Variants in GOLM1 observed in about 807,000 individuals in gnomAD.
GOLM1 encodes the protein golgi membrane protein 1, also known as epididymis luminal protein 46.
Under a neutral mutation model 50.5 loss-of-function variants are expected in GOLM1, and 31 were observed. The observed-to-expected ratio is 0.61, with a 90% CI of 0.46 to 0.83. The LOEUF (loss-of-function observed/expected upper bound fraction) is 0.83, where lower values mean the gene tolerates loss of function less well. Ranked by LOEUF, GOLM1 falls within the 40% of genes least tolerant of loss-of-function variation. The probability of loss-of-function intolerance (pLI) is 0.00; values close to 1 mark genes in which losing one functional copy is unlikely to be tolerated. For synonymous variants in GOLM1, 178 were observed against 192.8 expected (o/e 0.92, Z 0.64); for missense variants, 491 against 501.3 (o/e 0.98, Z 0.20).
At chr9:86,069,091 A>T (rs1834382272) in intron 3 of GOLM1, among the ~76,000 whole-genome samples, 1 of 151,746 alleles carries the variant, frequency 6.6e-6, no homozygotes, top group East Asian at 1.9e-4. Context: ...AAGTATTATA[A>T]GTATATTATT....
chr9:86,089,845 T>C (rs1835116902), intron 1 of GOLM1, among the ~76,000 whole-genome samples: 1 of 152,206 alleles, frequency 6.6e-6, no homozygotes, highest in Non-Finnish European at 1.5e-5. Context: ...ATTCTGGTTT[T>C]TGGAATTTTC....
At chr9:86,098,314 G>A (rs1261637778) in intron 1 of GOLM1, among the ~76,000 whole-genome samples, 10 of 152,146 alleles carry the variant, frequency 6.6e-5, no homozygotes, top group Non-Finnish European at 7.3e-5. Flanking sequence ...TGCCTTTGGA[G>A]ACCCACAAAA....
intron 1 of GOLM1, among the ~76,000 whole-genome samples, chr9:86,088,032 A>AC (rs2118886652): frequency 6.6e-6 from 1 of 151,950 alleles, no homozygotes; most frequent in Admixed American, 6.5e-5. Context: ...TCCTCTTTGT[A>AC]CCTCTGGTAG....
At chr9:86,032,511 T>TA (rs1054783586) in intron 9 of GOLM1, among the ~76,000 whole-genome samples, 1 of 152,152 alleles carries the variant, frequency 6.6e-6, no homozygotes, top group Non-Finnish European at 1.5e-5. Context: ...TCCATAGTGA[T>TA]ACCAAAACAA....
chr9:86,066,600 AT>A (rs1486877915), intron 3 of GOLM1, among the ~76,000 whole-genome samples: 2 of 152,246 alleles, frequency 1.3e-5, no homozygotes, highest in Non-Finnish European at 2.9e-5. Flanking sequence ...ATTAATGCAC[AT>A]ATTTTAACAA....
intron 5 of GOLM1, among the ~76,000 whole-genome samples, chr9:86,044,676 G>A (rs969357980): frequency 1.3e-5 from 2 of 152,194 alleles, no homozygotes; most frequent in African/African-American, 4.8e-5. Context: ...GGCTGGCCGG[G>A]CACAGTAGCT....
At chr9:86,089,428 A>G (rs11141223) in intron 1 of GOLM1, among the ~76,000 whole-genome samples, 4,794 of 152,036 alleles carry the variant, frequency 0.032, 241 homozygotes, top group African/African-American at 0.11. Flanking sequence ...ACATAGTTCC[A>G]TATTTGTTGG....
intron 3 of GOLM1, among the ~76,000 whole-genome samples, chr9:86,065,681 T>C (rs1834288295): frequency 1.3e-5 from 2 of 152,120 alleles, no homozygotes; most frequent in Admixed American, 6.5e-5. Flanking sequence ...TGGCTCTCAC[T>C]CTCTTCCCCT....
At chr9:86,082,582 A>C (rs1202224244) in intron 1 of GOLM1, among the ~76,000 whole-genome samples, 1 of 152,038 alleles carries the variant, frequency 6.6e-6, no homozygotes, top group Non-Finnish European at 1.5e-5. Context: ...CTGGGACTAC[A>C]GGTGTGTGCC....
At chr9:86,051,429 C>A (rs11141197) in intron 4 of GOLM1, among the ~76,000 whole-genome samples, 16,484 of 152,184 alleles carry the variant, frequency 0.11, 915 homozygotes, top group Non-Finnish European at 0.13. Context: ...TGTTAACTTT[C>A]TGTCTCGTTG....
Position 86,036,507 on chromosome 9 carries a change from G to T in GOLM1, c.598C>A (p.Leu200Ile). The change falls in exon 7 of 10, where the codon CTC becomes ATC. Residue 200 changes from leucine to isoleucine, a missense_variant and splice_region_variant. Coordinates refer to ENST00000388712, the MANE Select transcript of GOLM1 (RefSeq NM_016548.4). Reference protein sequence around the residue: ...LSENNDQRQQLQALSEPQPRL... With the variant: ...LSENNDQRQQIQALSEPQPRL... ...GGCTGAGGCTCACTGAGGGCTTGGA[G>T]CTGAAACAGAAGCACAGGACAGCCA... The T allele has an allele frequency of 1.2e-6, 2 of 1,614,004 alleles. No individual in the cohort carries two copies. The highest frequency in any genetic ancestry group is 1.7e-6 in the Non-Finnish European group (2 of 1,179,964).
intron 3 of GOLM1, among the ~76,000 whole-genome samples, chr9:86,053,592 C>T (rs1449190534): frequency 1.6e-4 from 1 of 6,228 alleles, no homozygotes; most frequent in Non-Finnish European, 2.8e-4. Context: ...CACACCACAC[C>T]ACTCCACACA....
At chr9:86,064,706 CA>C (rs1485760349) in intron 3 of GOLM1, among the ~76,000 whole-genome samples, 2 of 152,222 alleles carry the variant, frequency 1.3e-5, no homozygotes, top group Non-Finnish European at 2.9e-5. Flanking sequence ...TGCACCCCAA[CA>C]TCACACTCTG....
chr9:86,037,588 G>T (rs561442415), intron 6 of GOLM1, among the ~76,000 whole-genome samples: 1 of 152,084 alleles, frequency 6.6e-6, no homozygotes, highest in African/African-American at 2.4e-5. Context: ...TGTTCCTCAC[G>T]TGAGAAGCTT....
chr9:86,074,913 G>A (rs7856457), intron 3 of GOLM1, among the ~76,000 whole-genome samples: 54,566 of 151,618 alleles, frequency 0.36, 12,721 homozygotes, highest in African/African-American at 0.65. Flanking sequence ...CAATTTGGGA[G>A]GAAAAAAAAA....
At chr9:86,099,001 T>G (rs1406045147) in intron 1 of GOLM1, among the ~76,000 whole-genome samples, 6 of 152,308 alleles carry the variant, frequency 3.9e-5, no homozygotes, top group African/African-American at 9.6e-5. Context: ...CCGCGCCTGG[T>G]GCAAATCACG....
At chr9:86,031,039 G>A (rs562354826) in intron 9 of GOLM1, among the ~76,000 whole-genome samples, 113 of 149,550 alleles carry the variant, frequency 7.6e-4, no homozygotes, top group Admixed American at 5.6e-3. Flanking sequence ...GTGAAACCCC[G>A]TCTCTAATAA....
rs1020214822 is a variant in GOLM1 at position 86,040,856 on chromosome 9, G to A, written c.480C>T (p.Ile160=). ...GTTCCTTCACCTCCTTCATCTGATT[G>A]ATGCACTGGCTCCTTTGGTGAAAGA... is the stretch of plus-strand genomic sequence containing the variant. ...RKFSYDLSQC[I]NQMKEVKEQC... is the part of the protein sequence containing the mutation. Residue 160 remains isoleucine (I), a synonymous_variant, in exon 6 of 10, where the codon ATC becomes ATT. Coordinates refer to ENST00000388712, the MANE Select transcript of GOLM1 (RefSeq NM_016548.4). 2.4e-5 allele frequency: 38 copies of A among 1,613,658 alleles called. 1 individual carries two copies. The East Asian group carries it at 8.0e-4, about 34-fold the overall frequency.
In GOLM1 at chr9:86,074,260, G is replaced by A. The variant is rs183741714; in HGVS notation, c.309+3152C>T. On this transcript the variant is annotated intron_variant, in intron 3 of 9. Coordinates refer to ENST00000388712, the MANE Select transcript of GOLM1 (RefSeq NM_016548.4). The stretch of plus-strand genomic sequence containing the variant: ...TAAAAAAAAAAAAAAAAAAAAGACA[G>A]ACAATGTATAAAAAAGTATTTAGGT... Among the ~76,000 whole-genome samples, 1,329 of 147,084 alleles carry A rather than the reference G, an allele frequency of 9.0e-3. 7 individuals are homozygous for A. Among genetic ancestry groups the A allele is most frequent in the Admixed American group, 0.016 (235 of 14,734 alleles).
Sources: allele counts gnomAD v4.1 joint callset (sites outside exome capture counted in the v4.1 genomes callset), GRCh38; gene constraint gnomAD v4.1.1; transcripts MANE v1.5; gene names NCBI Gene and HGNC (gene_info 2026-07-23, HGNC 2026-07-21).